Variants in SGIP1 observed in about 807,000 individuals in gnomAD.
SGIP1 encodes the protein SH3-containing GRB2-like protein 3-interacting protein 1.
A neutral mutation model predicts 107.5 loss-of-function variants in SGIP1; 38 were observed. That is an observed-to-expected ratio of 0.35 (90% CI 0.27 to 0.46). The LOEUF is 0.46. Among genes scored for constraint, SGIP1 ranks in the 20% least tolerant of loss-of-function variants. SGIP1 has a pLI of 1.00. For missense variants in SGIP1, 929 were observed against 1,019.5 expected (o/e 0.91, Z 1.21); for synonymous variants, 365 against 366.1 (o/e 1.00, Z 0.03).
chr1:66,734,416 A>G (rs1199608228), intron 21 of SGIP1, among the ~76,000 whole-genome samples: 1 of 152,002 alleles, frequency 6.6e-6, no homozygotes, highest in Non-Finnish European at 1.5e-5. Flanking sequence ...TATTATTGAT[A>G]TACTAAATAA....
chr1:66,591,773 A>G (rs2063674254), intron 1 of SGIP1, among the ~76,000 whole-genome samples: 1 of 152,202 alleles, frequency 6.6e-6, no homozygotes, highest in African/African-American at 2.4e-5. Flanking sequence ...CATTTAGGTG[A>G]GGGTGATGTG....
chr1:66,630,869 A>AGAGAGAGAGAG (rs2074253428), intron 2 of SGIP1, among the ~76,000 whole-genome samples: 1 of 50,294 alleles, frequency 2.0e-5, no homozygotes, highest in African/African-American at 1.1e-4. Context: ...GAAAGAAAGA[A>AGAGAGAGAGAG]AGAAAGAAAG....
chr1:66,605,694 A>T (rs1358591116), intron 1 of SGIP1, among the ~76,000 whole-genome samples: 2 of 152,014 alleles, frequency 1.3e-5, no homozygotes, highest in Non-Finnish European at 2.9e-5. Context: ...ATGACCGTTC[A>T]TCAAGGTTTT....
At chr1:66,662,927 A>G (rs758004578) in intron 8 of SGIP1, among the ~76,000 whole-genome samples, 1 of 152,294 alleles carries the variant, frequency 6.6e-6, no homozygotes, top group Admixed American at 6.5e-5. Context: ...ATTTACTGAG[A>G]GCTTATTATG....
At chr1:66,719,756 G>T (rs1017544295) in intron 19 of SGIP1, among the ~76,000 whole-genome samples, 1 of 152,170 alleles carries the variant, frequency 6.6e-6, no homozygotes, top group Non-Finnish European at 1.5e-5. Context: ...AAAAGTAAAT[G>T]TGCAGATCAT....
In SGIP1 at chr1:66,750,499, T is replaced by C. The variant is rs1572537053; in HGVS notation, c.*7404T>C. 6.6e-6 allele frequency among the ~76,000 whole-genome samples: 1 copy of C among 152,336 alleles called. No homozygotes were observed. Among genetic ancestry groups the C allele is most frequent in the East Asian group, 1.9e-4 (1 of 5,192 alleles). ...CCTTTATTTAGAGCTCTCTTTGATC[T>C]ATGTAGCAAAAATACACTAAATTTC... On this transcript the variant is annotated 3_prime_UTR_variant, in exon 25 of 25. Coordinates refer to ENST00000371037, the MANE Select transcript of SGIP1 (RefSeq NM_032291.4).
chr1:66,698,956 C>T (rs769328565), intron 18 of SGIP1, among the ~76,000 whole-genome samples: 4 of 151,498 alleles, frequency 2.6e-5, no homozygotes, highest in Non-Finnish European at 4.4e-5. Flanking sequence ...CTTAAGTGGC[C>T]TCGTGTAGGA....
At chr1:66,657,589 CAG>C (rs560563096) in intron 7 of SGIP1, among the ~76,000 whole-genome samples, 2 of 150,384 alleles carry the variant, frequency 1.3e-5, no homozygotes, top group African/African-American at 5.0e-5. Flanking sequence ...CAGAGAGAGA[CAG>C]AGAGAGAGAC....
chr1:66,673,313 C>G lies in SGIP1; in HGVS notation c.593C>G (p.Ala198Gly), dbSNP rs142151342. Residue 198 changes from alanine to glycine, a missense_variant, in exon 12 of 25, where the codon GCT (alanine) becomes GGT (glycine). By Grantham distance (60) the Ala-to-Gly change is moderately conservative (BLOSUM62 0). This residue lies in a region of SGIP1 where 588 missense variants were observed against 588.6 expected (regional missense o/e 1.00). Transcript: ENST00000371037. The part of the protein sequence containing the change: ...KKPPDDTTAL[A>G]PLFGPPLESA... ...CCTCCAGATGACACTACGGCCCTTG[C>G]TCCTCTCTTTGGCCCACCACTAGAA... 1.2e-6 allele frequency: 2 copies of G among 1,613,870 alleles called. No individual in the cohort carries two copies. Among genetic ancestry groups the G allele is most frequent in the African/African-American group, 1.3e-5 (1 of 75,020 alleles).
chr1:66,682,120 G>T lies in SGIP1; in HGVS notation c.1066G>T (p.Gly356Cys), dbSNP rs756897528. The T allele has an allele frequency of 6.2e-7, 1 of 1,613,544 alleles. No individual in the cohort carries two copies. The highest frequency in any genetic ancestry group is 2.2e-5 in the East Asian group (1 of 44,876). Residue 356 changes from glycine to cysteine, a missense_variant, in exon 15 of 25, where the codon GGT (glycine) becomes TGT (cysteine). Physicochemically the swap from Gly to Cys is radical, Grantham distance 159 (BLOSUM62 -3). Coordinates refer to ENST00000371037, the MANE Select transcript of SGIP1 (RefSeq NM_032291.4). ...AGCTCCAGGCCCTCTCGGCCCCCCA[G>T]GTCCCACAGGCCCCCCAGGGCCTCC... ...SPAPGPLGPP[G>C]PTGPPGPPGP...
chr1:66,689,064 A>T, intron 15 of SGIP1, 84 bp from the exon 16 acceptor site: 1 of 1,325,102 alleles, frequency 7.5e-7, no homozygotes, highest in Non-Finnish European at 1.0e-6. Context: ...AAAAAAAAAA[A>T]TGTCCGGGAC....
rs1553268332 is a variant in SGIP1 at position 66,630,920 on chromosome 1, G to GAGGGAGGA, written c.75-2147_75-2146insGAGGAAGG. 1.7e-4 allele frequency among the ~76,000 whole-genome samples: 9 copies of GAGGGAGGA among 53,594 alleles called. 1 individual carries two copies. The highest frequency in any genetic ancestry group is 2.7e-4 in the Non-Finnish European group (8 of 29,532). 35.2% of individuals were successfully genotyped at this position (53,594 alleles called of 152,430 possible). A position where few individuals can be genotyped will look rare whatever the true frequency, so the allele number is the denominator to read the frequency against. On this transcript the variant is annotated intron_variant, in intron 2 of 24. Transcript: ENST00000371037. ...GAAAGAAAGAAGGGAGGGAGGGAGG[G>GAGGGAGGA]AGGAAGGAAGGAAGGAAAGAAAGAG... is the stretch of plus-strand genomic sequence containing the variant.
intron 2 of SGIP1, among the ~76,000 whole-genome samples, chr1:66,628,034 G>A (rs540226544): frequency 7.8e-4 from 119 of 152,130 alleles, no homozygotes; most frequent in Admixed American, 3.1e-3. Context: ...TGCTGAGAAT[G>A]ATGGTTTCCA....
intron 19 of SGIP1, among the ~76,000 whole-genome samples, chr1:66,726,476 A>T (rs1245087254): frequency 6.6e-6 from 1 of 152,248 alleles, no homozygotes; most frequent in African/African-American, 2.4e-5. Context: ...ACTTGATTTC[A>T]GAACTATCAT....
intron 12 of SGIP1, among the ~76,000 whole-genome samples, chr1:66,674,698 C>G (rs933652734): frequency 6.6e-6 from 1 of 152,170 alleles, no homozygotes; most frequent in African/African-American, 2.4e-5. Flanking sequence ...ATCTCTGGCT[C>G]CAAGGAGGCT....
At chr1:66,584,960 CA>C (rs1478785494) in intron 1 of SGIP1, among the ~76,000 whole-genome samples, 2 of 152,136 alleles carry the variant, frequency 1.3e-5, no homozygotes, top group African/African-American at 2.4e-5. Flanking sequence ...TCCCTCAAAA[CA>C]AAAAGAAAGA....
chr1:66,718,241 T>A (rs1280968573), intron 18 of SGIP1, among the ~76,000 whole-genome samples: 4 of 152,100 alleles, frequency 2.6e-5, no homozygotes, highest in Non-Finnish European at 5.9e-5. Context: ...GTAGAGTAAA[T>A]GCATTTTGTT....
intron 23 of SGIP1, among the ~76,000 whole-genome samples, chr1:66,741,006 C>T (rs572016524): frequency 3.9e-4 from 60 of 152,308 alleles, no homozygotes; most frequent in African/African-American, 1.4e-3. Context: ...ATATTTTTCA[C>T]TCTCCTCAGA....
At chr1:66,726,225 A>G (rs959010056) in intron 19 of SGIP1, among the ~76,000 whole-genome samples, 3 of 152,186 alleles carry the variant, frequency 2.0e-5, no homozygotes, top group Admixed American at 6.5e-5. Flanking sequence ...TTCTCCTGCA[A>G]TGTCTCTCTA....
Sources: gnomAD v4.1 joint callset for allele counts (sites outside exome capture counted in the v4.1 genomes callset) on GRCh38, gnomAD v4.1.1 for gene constraint, gnomAD v4.1.1 regional missense constraint, MANE v1.5 for transcripts, NCBI Gene and HGNC (gene_info 2026-07-23, HGNC 2026-07-21) for gene names.